Variants in PON1 observed in about 807,000 individuals in gnomAD.
PON1 encodes the protein serum paraoxonase/arylesterase 1.
PON1 carries 37 observed loss-of-function variants against 39.2 expected under a neutral mutation model. That is an observed-to-expected ratio of 0.94 (90% CI 0.73 to 1.24). PON1 has a LOEUF of 1.24. Ranked by LOEUF, PON1 falls within the 50% of genes most tolerant of loss-of-function variation. The pLI, the probability that PON1 is intolerant of heterozygous loss-of-function variation, is 0.00. For synonymous variants in PON1, 148 were observed against 152.2 expected, an observed-to-expected ratio of 0.97 and a Z score of 0.21; for missense variants, 397 against 413.5, an observed-to-expected ratio of 0.96 and a Z score of 0.35.
intron 7 of PON1, among the ~76,000 whole-genome samples, chr7:95,303,136 AAAT>A (rs1395535691): frequency 1.3e-5 from 2 of 152,222 alleles, no homozygotes; most frequent in Non-Finnish European, 2.9e-5. Flanking sequence ...GAGAACCTGT[AAAT>A]AACTGGTCAT....
intron 2 of PON1, 104 bp from the exon 3 acceptor site, chr7:95,316,893 CTTCTT>C: frequency 1.2e-6 from 1 of 823,206 alleles, no homozygotes; most frequent in South Asian, 1.3e-5. Flanking sequence ...ATACATCACT[CTTCTT>C]TAATAGGTTC....
intron 3 of PON1, among the ~76,000 whole-genome samples, chr7:95,316,430 T>G (rs1807769825): frequency 6.6e-6 from 1 of 152,174 alleles, no homozygotes; most frequent in Admixed American, 6.5e-5. Flanking sequence ...CAATTTTAAG[T>G]GCTTAGGGAA....
Position 95,308,188 on chromosome 7 carries a change from C to T in PON1, c.521G>A (p.Gly174Glu), listed in dbSNP as rs1400959573. 2.5e-6 allele frequency: 4 copies of T among 1,613,610 alleles called. No homozygotes were observed. Among genetic ancestry groups the T allele is most frequent in the Non-Finnish European group, 3.4e-6 (4 of 1,179,908 alleles). Residue 174 changes from glycine (G) to glutamate (E), a missense_variant, in exon 6 of 9, where the codon GGA becomes GAA. Gly to Glu is a moderately conservative substitution (Grantham distance 98). Coordinates refer to ENST00000222381, the MANE Select transcript of PON1 (RefSeq NM_000446.7). ...ATTTGTGCCATAAAAGTGCTCAGGT[C>T]CCACAGCAACAATATCATTCAAACT... ...LPNLNDIVAV[G>E]PEHFYGTNDH...
chr7:95,324,325 C>A, intron 1 of PON1, 77 bp downstream of exon 1: 1 of 1,419,954 alleles, frequency 7.0e-7, no homozygotes, highest in South Asian at 1.2e-5. Context: ...AGCCTGGACC[C>A]AACTTTCTGG....
Position 95,298,134 on chromosome 7 carries a change from G to C in PON1, c.*810C>G, listed in dbSNP as rs1807319503. 2 of 152,124 alleles carry C rather than the reference G, an allele frequency of 1.3e-5. No homozygotes were observed. Among genetic ancestry groups the C allele is most frequent in the Non-Finnish European group, 2.9e-5 (2 of 68,072 alleles). 9.4% of individuals were successfully genotyped at this position (152,124 alleles called of 1,614,324 possible). ...CCTCAACAACAGTGTAGTCTTTGGG[G>C]ACACTTTTAGCTTCGCCCATGTCAA... is the stretch of plus-strand genomic sequence containing the variant. On this transcript the variant is annotated 3_prime_UTR_variant, in exon 9 of 9. Transcript: ENST00000222381.
intron 6 of PON1, 112 bp downstream of exon 6, chr7:95,307,899 T>C: frequency 9.4e-7 from 1 of 1,065,848 alleles, no homozygotes; most frequent in Non-Finnish European, 1.4e-6. Context: ...CCTAATTTTA[T>C]CTCACTAGGG....
At position 95,302,480 on chromosome 7, in the gene PON1, A is replaced by G. The variant is rs1470091350; in HGVS notation, c.781-147T>C. On this transcript the variant is annotated intron_variant, in intron 7 of 8. Coordinates refer to ENST00000222381, the MANE Select transcript of PON1 (RefSeq NM_000446.7). Reference sequence around the variant, plus strand: ...TACAATTCTGCCCCATTTCAATAAGACTCACAAAATTTCTCTGACCTTTCA... The same window carrying G: ...TACAATTCTGCCCCATTTCAATAAGGCTCACAAAATTTCTCTGACCTTTCA... 4.3e-6 allele frequency: 3 copies of G among 698,056 alleles called. No individual in the cohort carries two copies. In the Admixed American group the frequency reaches 7.6e-5, roughly 18 times the overall value. 43.2% of individuals were successfully genotyped at this position (698,056 alleles called of 1,614,324 possible). A position where few individuals can be genotyped will look rare whatever the true frequency, so the allele number is the denominator to read the frequency against.
intron 3 of PON1, among the ~76,000 whole-genome samples, chr7:95,316,159 TTA>T (rs1340941549): frequency 5.9e-5 from 9 of 152,162 alleles, no homozygotes; most frequent in Non-Finnish European, 1.2e-4. Flanking sequence ...ATCAACTCTG[TTA>T]TGTTATGATC....
At chr7:95,307,031 G>C (rs991322708) in intron 6 of PON1, among the ~76,000 whole-genome samples, 3 of 150,702 alleles carry the variant, frequency 2.0e-5, no homozygotes, top group African/African-American at 7.3e-5. Context: ...TTGCTTGCTT[G>C]CTTGCTTTTT....
At chr7:95,324,145 C>T (rs1014049750) in intron 1 of PON1, among the ~76,000 whole-genome samples, 2 of 152,194 alleles carry the variant, frequency 1.3e-5, no homozygotes, top group African/African-American at 4.8e-5. Context: ...AAAATTAATT[C>T]GTGTATGCTG....
chr7:95,300,628 A>T (rs1807399365), intron 8 of PON1, among the ~76,000 whole-genome samples: 1 of 152,214 alleles, frequency 6.6e-6, no homozygotes, highest in Admixed American at 6.5e-5. Flanking sequence ...GGGGCAGTGC[A>T]TTGGATAAGG....
intron 4 of PON1, among the ~76,000 whole-genome samples, chr7:95,311,877 A>G (rs1390021184): frequency 6.6e-6 from 1 of 152,240 alleles, no homozygotes; most frequent in African/African-American, 2.4e-5. Flanking sequence ...TTCCAGTTCA[A>G]ATGGTCTCCA....
At chr7:95,321,822 T>C (rs1037003961) in intron 1 of PON1, among the ~76,000 whole-genome samples, 1 of 152,222 alleles carries the variant, frequency 6.6e-6, no homozygotes, top group African/African-American at 2.4e-5. Flanking sequence ...GTCTTCTGCA[T>C]TGGGATTAAT....
intron 1 of PON1, among the ~76,000 whole-genome samples, chr7:95,320,226 G>A (rs1159136312): frequency 6.6e-6 from 1 of 152,202 alleles, no homozygotes; most frequent in Non-Finnish European, 1.5e-5. Flanking sequence ...GAATACTCAT[G>A]CTGCCTGACT....
At chr7:95,310,922 C>T (rs1480005957) in intron 5 of PON1, among the ~76,000 whole-genome samples, 2 of 152,102 alleles carry the variant, frequency 1.3e-5, no homozygotes, top group Admixed American at 1.3e-4. Flanking sequence ...CCATATGTTA[C>T]ATGAACAAGG....
At position 95,298,753 on chromosome 7, in the gene PON1, T is replaced by TTTGA. The variant is rs1350035940; in HGVS notation, c.*187_*190dup. ...AGGTTTTCAAGTATTCCAAGACTGA[T>TTTGA]TTGATAGTGTATTCTCAAAAAAAAG... On this transcript the variant is annotated 3_prime_UTR_variant, in exon 9 of 9. Transcript: ENST00000222381. 8.9e-6 allele frequency: 6 copies of TTTGA among 672,684 alleles called. No individual in the cohort carries two copies. The highest frequency in any genetic ancestry group is 1.6e-5 in the Non-Finnish European group (6 of 380,870). 41.7% of individuals were successfully genotyped at this position (672,684 alleles called of 1,614,324 possible).
chr7:95,305,727 G>A (rs1340721555), intron 7 of PON1, among the ~76,000 whole-genome samples: 1 of 152,084 alleles, frequency 6.6e-6, no homozygotes, highest in Admixed American at 6.5e-5. Context: ...CCTAGCAGAG[G>A]GAATGGTGCC....
At chr7:95,313,218 G>A (rs1413842955) in intron 4 of PON1, among the ~76,000 whole-genome samples, 1 of 152,178 alleles carries the variant, frequency 6.6e-6, no homozygotes, top group Non-Finnish European at 1.5e-5. Flanking sequence ...TTTGTGCAGT[G>A]GATTCTACTT....
intron 4 of PON1, among the ~76,000 whole-genome samples, chr7:95,313,102 G>T (rs1362739710): frequency 6.6e-6 from 1 of 152,212 alleles, no homozygotes; most frequent in Non-Finnish European, 1.5e-5. Context: ...GGCAGGAAAG[G>T]TCATGAGAGG....
Sources: allele counts gnomAD v4.1 joint callset (sites outside exome capture counted in the v4.1 genomes callset), GRCh38; gene constraint gnomAD v4.1.1; transcripts MANE v1.5; gene names NCBI Gene and HGNC (gene_info 2026-07-23, HGNC 2026-07-21).